Variants in HS3ST4 observed in about 807,000 individuals in gnomAD.
HS3ST4 encodes heparan sulfate glucosamine 3-O-sulfotransferase 4.
A neutral mutation model predicts 29.2 loss-of-function variants in HS3ST4; 17 were observed. The ratio of observed to expected loss-of-function variants is 0.58; its 90% CI spans 0.40 to 0.87. HS3ST4 has a LOEUF of 0.87. Among genes scored for constraint, HS3ST4 ranks in the 40% least tolerant of loss-of-function variants. The pLI is 0.00. For missense variants in HS3ST4, 627 were observed against 634.5 expected (o/e 0.99, Z 0.13); for synonymous variants, 314 against 285.7 (o/e 1.10, Z -1.00).
chr16:26,061,464 T>C (rs1898475407), intron 1 of HS3ST4, among the ~76,000 whole-genome samples: 1 of 152,178 alleles, frequency 6.6e-6, no homozygotes, highest in African/African-American at 2.4e-5. Flanking sequence ...TCCACCACCA[T>C]CTTGGCTACA....
chr16:26,070,798 C>T (rs978490750), intron 1 of HS3ST4, among the ~76,000 whole-genome samples: 3 of 152,188 alleles, frequency 2.0e-5, no homozygotes, highest in Non-Finnish European at 2.9e-5. Flanking sequence ...TTAGTCAACA[C>T]GTTGTTGGAA....
At chr16:25,927,454 A>G (rs541701012) in intron 1 of HS3ST4, among the ~76,000 whole-genome samples, 1 of 152,300 alleles carries the variant, frequency 6.6e-6, no homozygotes, top group South Asian at 2.1e-4. Context: ...GTGAGCAATA[A>G]TTCTAACTCT....
chr16:25,970,860 T>A (rs1439306289), intron 1 of HS3ST4, among the ~76,000 whole-genome samples: 2 of 152,066 alleles, frequency 1.3e-5, no homozygotes, highest in Non-Finnish European at 2.9e-5. Context: ...ATCCTTTCTT[T>A]CTTTTTTTGA....
At chr16:25,745,074 GA>G (rs1966677466) in intron 1 of HS3ST4, among the ~76,000 whole-genome samples, 1 of 152,086 alleles carries the variant, frequency 6.6e-6, no homozygotes, top group African/African-American at 2.4e-5. Context: ...TCTTGAAAAC[GA>G]TTCTCATTGG....
At position 25,762,876 on chromosome 16, in the gene HS3ST4, CAAAAAA is replaced by C. The variant is rs67260535; in HGVS notation, c.734+69743_734+69748del. On this transcript the variant is annotated intron_variant, in intron 1 of 1. Transcript: ENST00000331351. ...TGGGTGACAGAGCAAGACCCTGTCT[CAAAAAA>C]AAAAAAAAAAAAAAAAAGAAAAAAG... 4.5e-4 allele frequency among the ~76,000 whole-genome samples: 27 copies of C among 60,474 alleles called. 1 individual carries two copies. The highest frequency in any genetic ancestry group is 1.3e-3 in the African/African-American group (21 of 16,504). The allele number at this position is 60,474 out of a possible 152,430, so 39.7% of individuals were successfully genotyped here.
intron 1 of HS3ST4, among the ~76,000 whole-genome samples, chr16:25,937,576 G>A (rs1270003433): frequency 6.6e-6 from 1 of 152,274 alleles, no homozygotes; most frequent in Non-Finnish European, 1.5e-5. Flanking sequence ...GAGTGGTGGT[G>A]TCACTGGTTT....
chr16:25,793,226 A>G (rs1966873862), intron 1 of HS3ST4, among the ~76,000 whole-genome samples: 1 of 151,948 alleles, frequency 6.6e-6, no homozygotes, highest in African/African-American at 2.4e-5. Flanking sequence ...AAACATTCAG[A>G]TACACTTGAA....
intron 1 of HS3ST4, among the ~76,000 whole-genome samples, chr16:25,911,785 A>G (rs1968242887): frequency 6.6e-6 from 1 of 151,980 alleles, no homozygotes. Flanking sequence ...CTGGGATTAC[A>G]GGTATGAGCC....
intron 1 of HS3ST4, among the ~76,000 whole-genome samples, chr16:26,095,794 C>CA (rs1432568799): frequency 6.6e-6 from 1 of 152,016 alleles, no homozygotes; most frequent in Admixed American, 6.5e-5. Flanking sequence ...GATAGACACA[C>CA]AAAAAATCCT....
intron 1 of HS3ST4, among the ~76,000 whole-genome samples, chr16:25,740,158 C>G (rs1016951466): frequency 6.6e-6 from 1 of 152,110 alleles, no homozygotes; most frequent in Non-Finnish European, 1.5e-5. Context: ...CCTACTGCAT[C>G]GTTCTAGGAT....
intron 1 of HS3ST4, among the ~76,000 whole-genome samples, chr16:26,061,350 G>A (rs1226863063): frequency 6.6e-6 from 1 of 152,158 alleles, no homozygotes; most frequent in Admixed American, 6.5e-5. Context: ...TTGCTGAACG[G>A]CGTGGTCCTG....
intron 1 of HS3ST4, among the ~76,000 whole-genome samples, chr16:25,877,345 T>C (rs1170781719): frequency 6.6e-6 from 1 of 152,084 alleles, no homozygotes; most frequent in Non-Finnish European, 1.5e-5. Context: ...GGTGTACTTA[T>C]GAGGAAAGGG....
At chr16:25,815,580 C>G (rs983175242) in intron 1 of HS3ST4, among the ~76,000 whole-genome samples, 1 of 152,144 alleles carries the variant, frequency 6.6e-6, no homozygotes, top group Non-Finnish European at 1.5e-5. Context: ...CCCTTGACCC[C>G]CCACAGTGCT....
intron 1 of HS3ST4, among the ~76,000 whole-genome samples, chr16:26,057,904 G>A (rs79677673): frequency 0.075 from 11,471 of 152,180 alleles, 647 homozygotes; most frequent in Admixed American, 0.17. Context: ...TTACTGTGGA[G>A]TGTATTACGG....
intron 1 of HS3ST4, among the ~76,000 whole-genome samples, chr16:25,932,874 G>C (rs144943248): frequency 1.9e-3 from 293 of 152,282 alleles, no homozygotes; most frequent in African/African-American, 5.5e-3. Flanking sequence ...TTCCAGACAG[G>C]GAAGGTGAAA....
At chr16:26,074,612 A>G (rs1237237979) in intron 1 of HS3ST4, among the ~76,000 whole-genome samples, 1 of 152,228 alleles carries the variant, frequency 6.6e-6, no homozygotes, top group African/African-American at 2.4e-5. Flanking sequence ...CTGGTTCCCT[A>G]TAATACATTG....
intron 1 of HS3ST4, among the ~76,000 whole-genome samples, chr16:25,837,026 T>G (rs1967363515): frequency 6.6e-6 from 1 of 152,240 alleles, no homozygotes; most frequent in Non-Finnish European, 1.5e-5. Context: ...TCCCCAGATC[T>G]TTCCAGGTCA....
chr16:25,986,206 C>T lies in HS3ST4; in HGVS notation c.735-149406C>T, dbSNP rs191647452. Among the ~76,000 whole-genome samples, 364 of 150,166 alleles carry T rather than the reference C, an allele frequency of 2.4e-3. 1 individual carries two copies. The highest frequency in any genetic ancestry group is 8.2e-3 in the African/African-American group (339 of 41,384). ...AAAATGTATGGTATACTTATTCATTCTCTACCTTCTCCTACTAGAATGTGA... is the reference window on the plus strand; with the variant it reads ...AAAATGTATGGTATACTTATTCATTTTCTACCTTCTCCTACTAGAATGTGA... On this transcript the variant is annotated intron_variant, in intron 1 of 1. Transcript: ENST00000331351.
intron 1 of HS3ST4, among the ~76,000 whole-genome samples, chr16:26,057,244 C>T (rs1041664431): frequency 2.0e-5 from 3 of 152,172 alleles, no homozygotes; most frequent in Admixed American, 6.5e-5. Flanking sequence ...AACTAAGGCT[C>T]AGGGAGGTTG....
Sources: gnomAD v4.1 joint callset for allele counts (sites outside exome capture counted in the v4.1 genomes callset) on GRCh38, gnomAD v4.1.1 for gene constraint, MANE v1.5 for transcripts, NCBI Gene and HGNC (gene_info 2026-07-23, HGNC 2026-07-21) for gene names.